The following CHRNA2 variants were observed in gnomAD, a reference collection of about 807,000 sequenced individuals.
The protein encoded by CHRNA2 is neuronal acetylcholine receptor subunit alpha-2.
In CHRNA2, 40 loss-of-function variants were observed where a neutral mutation model predicts 45.5. The ratio of observed to expected loss-of-function variants is 0.88; its 90% CI spans 0.68 to 1.15. The LOEUF (loss-of-function observed/expected upper bound fraction) is 1.15. Ranked by LOEUF, CHRNA2 falls within the 50% of genes most tolerant of loss-of-function variation. The pLI is 0.00. For missense variants in CHRNA2, 655 were observed against 701.7 expected (o/e 0.93, Z 0.75); for synonymous variants, 301 against 296.7 (o/e 1.01, Z -0.15).
chr8:27,473,549 A>G (rs577809143), intron 1 of CHRNA2, among the ~76,000 whole-genome samples: 69 of 141,166 alleles, frequency 4.9e-4, no homozygotes, highest in African/African-American at 1.8e-3. Flanking sequence ...TCTACAAAAA[A>G]TTCAAAAATT....
intron 1 of CHRNA2, chr8:27,477,291 C>T (rs1813090619): frequency 6.6e-6 from 1 of 152,184 alleles, no homozygotes; most frequent in Admixed American, 6.5e-5. Context: ...CCACCTGGAT[C>T]CCAGATTCTA....
At chr8:27,464,095 A>C (rs1586391859) in intron 5 of CHRNA2, 102 bp from the exon 6 acceptor site, 1 of 1,328,634 alleles carries the variant, frequency 7.5e-7, no homozygotes, top group Non-Finnish European at 1.1e-6. Context: ...ACCAAGTCAG[A>C]CCCGGCCACA....
At chr8:27,464,130 G>A (rs1295796823) in intron 5 of CHRNA2, 137 bp from the exon 6 acceptor site, 2 of 923,708 alleles carry the variant, frequency 2.2e-6, no homozygotes, top group African/African-American at 1.6e-5. Context: ...TTATGCAAGT[G>A]TGTAAGTCTC....
intron 1 of CHRNA2, among the ~76,000 whole-genome samples, chr8:27,471,719 C>G (rs933614215): frequency 1.3e-5 from 2 of 152,204 alleles, no homozygotes; most frequent in African/African-American, 2.4e-5. Flanking sequence ...GTACCAGAAG[C>G]CAGTGGCAAA....
rs754567543 is a variant in CHRNA2 at position 27,463,436 on chromosome 8, A to G, written c.1007T>C (p.Met336Thr). The change falls in exon 6 of 7, where the codon ATG becomes ACG. Residue 336 changes from methionine to threonine, a missense_variant. Met to Thr is a moderately conservative substitution (Grantham distance 81). Around this residue, in one of 3 missense-constraint regions of CHRNA2, gnomAD observed 295 missense variants for 280.4 expected, o/e 1.05. Transcript: ENST00000407991. The surrounding 1 kb of genome is among the most constrained non-coding windows in gnomAD (Gnocchi z 6.1). ...GACGATGGACAGGGTGACGAAGATCATGGTGAACAGCAGGTACTCGCCGAT... is the reference window on the plus strand; with the variant it reads ...GACGATGGACAGGGTGACGAAGATCGTGGTGAACAGCAGGTACTCGCCGAT... The part of the protein sequence containing the change: ...PLIGEYLLFT[M>T]IFVTLSIVIT... 18 of 1,613,762 alleles carry G rather than the reference A, an allele frequency of 1.1e-5. No individual in the cohort carries two copies. The highest frequency in any genetic ancestry group is 1.4e-5 in the Non-Finnish European group (17 of 1,179,748).
At chr8:27,478,488 T>G (rs572384640) in intron 1 of CHRNA2, among the ~76,000 whole-genome samples, 1 of 152,272 alleles carries the variant, frequency 6.6e-6, no homozygotes, top group Non-Finnish European at 1.5e-5. Context: ...TTAGCCCTTT[T>G]AAAGGACATA....
chr8:27,461,905 G>A, intron 6 of CHRNA2, 151 bp from the exon 7 acceptor site: 2 of 1,061,986 alleles, frequency 1.9e-6, no homozygotes, highest in East Asian at 2.4e-5. Flanking sequence ...AGGGAGCGGG[G>A]TGAGTGGAAG....
chr8:27,472,008 G>T (rs1430869087), intron 1 of CHRNA2, among the ~76,000 whole-genome samples: 1 of 152,172 alleles, frequency 6.6e-6, no homozygotes, highest in Non-Finnish European at 1.5e-5. Context: ...TTAATCAATC[G>T]TGCTGCATAA....
intron 1 of CHRNA2, 145 bp from the exon 2 acceptor site, chr8:27,471,339 T>C: frequency 2.5e-6 from 1 of 401,830 alleles, no homozygotes; most frequent in Non-Finnish European, 4.7e-6. Context: ...GGGCTCTCCC[T>C]GGCTTATTGA....
At chr8:27,472,593 G>A (rs1156620056) in intron 1 of CHRNA2, among the ~76,000 whole-genome samples, 1 of 152,210 alleles carries the variant, frequency 6.6e-6, no homozygotes. Context: ...TATGGAATAT[G>A]CAGAATAGGC....
chr8:27,473,216 A>G (rs1812945200), intron 1 of CHRNA2, among the ~76,000 whole-genome samples: 1 of 152,146 alleles, frequency 6.6e-6, no homozygotes, highest in Non-Finnish European at 1.5e-5. Flanking sequence ...CTAGGGAGAT[A>G]ACAAAGGCTC....
intron 4 of CHRNA2, among the ~76,000 whole-genome samples, chr8:27,468,134 G>A (rs1290040291): frequency 1.3e-5 from 2 of 152,174 alleles, no homozygotes; most frequent in South Asian, 2.1e-4. Context: ...GAGAGGTTAC[G>A]TAGCTCATCC....
intron 5 of CHRNA2, 52 bp downstream of exon 5, chr8:27,467,177 C>T: frequency 2.1e-6 from 3 of 1,426,056 alleles, no homozygotes; most frequent in Non-Finnish European, 3.0e-6. Context: ...ATGGACCCGG[C>T]CCCTGCAAGT....
intron 5 of CHRNA2, among the ~76,000 whole-genome samples, chr8:27,464,292 A>T (rs1812630243): frequency 1.3e-5 from 2 of 152,242 alleles, no homozygotes; most frequent in African/African-American, 4.8e-5. Context: ...TATATATATA[A>T]AATGTAAAAC....
At chr8:27,475,222 G>A (rs1813024774) in intron 1 of CHRNA2, 2 of 152,136 alleles carry the variant, frequency 1.3e-5, no homozygotes, top group Admixed American at 6.5e-5. Context: ...CCCAAACTGT[G>A]TAGATTTGAC....
Position 27,471,088 on chromosome 8 carries a change from C to A in CHRNA2, c.-30G>T. 6.2e-7 allele frequency: 1 copy of A among 1,606,442 alleles called. No individual in the cohort carries two copies. The highest frequency in any genetic ancestry group is 1.1e-5 in the South Asian group (1 of 90,752). On this transcript the variant is annotated 5_prime_UTR_variant, in exon 2 of 7. The change abolishes the stop of an existing upstream ORF in the 5' untranslated region. Coordinates refer to ENST00000407991, the MANE Select transcript of CHRNA2 (RefSeq NM_000742.4). ...TCTCCTGAGCATCAGGAGGTCAGGT[C>A]AGGGCTTTGCTGTGGGTTGCACCAT...
intron 1 of CHRNA2, among the ~76,000 whole-genome samples, 152 bp downstream of exon 1, chr8:27,478,672 G>A (rs762950364): frequency 2.0e-5 from 3 of 152,088 alleles, no homozygotes; most frequent in East Asian, 3.9e-4. Flanking sequence ...ACAACCAGGA[G>A]ACTAAAATAT....
At chr8:27,473,074 T>A (rs565453091) in intron 1 of CHRNA2, among the ~76,000 whole-genome samples, 55 of 151,582 alleles carry the variant, frequency 3.6e-4, no homozygotes, top group South Asian at 1.7e-3. Flanking sequence ...ATTTAAAAAA[T>A]ATATATATAT....
chr8:27,478,499 G>T (rs1268343355), intron 1 of CHRNA2, among the ~76,000 whole-genome samples: 2 of 152,208 alleles, frequency 1.3e-5, no homozygotes, highest in Non-Finnish European at 2.9e-5. Context: ...AAAGGACATA[G>T]ACAATTTACA....
Sources: allele counts gnomAD v4.1 joint callset (sites outside exome capture counted in the v4.1 genomes callset), GRCh38; gene constraint gnomAD v4.1.1; regional missense constraint gnomAD v4.1.1; non-coding constraint Gnocchi (gnomAD v3.1); transcripts MANE v1.5; gene names NCBI Gene and HGNC (gene_info 2026-07-23, HGNC 2026-07-21).